SBF2: variants seen among roughly 807,000 people sequenced by gnomAD.
The protein encoded by SBF2 is myotubularin-related protein 13.
In SBF2, 112 loss-of-function variants were observed where a neutral mutation model predicts 225.2. The ratio of observed to expected loss-of-function variants is 0.50; its 90% CI spans 0.43 to 0.58. The LOEUF is 0.58. Among genes scored for constraint, SBF2 ranks in the 20% least tolerant of loss-of-function variants. SBF2 has a pLI of 0.00. For synonymous variants in SBF2, 763 were observed against 773.3 expected (o/e 0.99, Z 0.22); for missense variants, 1,996 against 2,206.2 (o/e 0.90, Z 1.91).
chr11:10,235,174 T>C (rs1306389780), intron 1 of SBF2, among the ~76,000 whole-genome samples: 5 of 152,230 alleles, frequency 3.3e-5, no homozygotes, highest in African/African-American at 1.2e-4. Flanking sequence ...ATTTACACTT[T>C]ATTGTTTTTC....
rs148512821 is a variant in SBF2, at chr11:9,794,501, C to T, written c.4570+1330G>A. On this transcript the variant is annotated intron_variant, in intron 33 of 39. Coordinates refer to ENST00000256190, the MANE Select transcript of SBF2 (RefSeq NM_030962.4). ...CCAACATGGTGAAACCTTGTCTCTACTAAAAATACAAAAATTAGCCAGGCA... is the reference window on the plus strand; with the variant it reads ...CCAACATGGTGAAACCTTGTCTCTATTAAAAATACAAAAATTAGCCAGGCA... 9.1e-4 allele frequency among the ~76,000 whole-genome samples: 138 copies of T among 151,540 alleles called. 4 individuals carry two copies. In the East Asian group the frequency reaches 0.024, roughly 26 times the overall value.
rs188230790 is a variant in SBF2, at chr11:10,077,381, C to T, written c.142-34400G>A. Among the ~76,000 whole-genome samples the T allele has an allele frequency of 7.5e-4, 114 of 152,272 alleles. No homozygotes were observed. The East Asian group carries it at 0.018, about 23-fold the overall frequency. On this transcript the variant is annotated intron_variant, in intron 2 of 39. Transcript: ENST00000256190. ...GCAAAAAGAACAAAGCTGGAGGCAT[C>T]ATGCTACCTGACTTCAAACTATACT...
intron 1 of SBF2, among the ~76,000 whole-genome samples, chr11:10,231,782 C>T (rs1052196698): frequency 1.3e-5 from 2 of 152,210 alleles, no homozygotes; most frequent in Non-Finnish European, 2.9e-5. Flanking sequence ...GGCAGTCTGC[C>T]AGTTCTCAGA....
At chr11:9,810,102 C>G (rs935429496) in intron 30 of SBF2, 2 of 151,952 alleles carry the variant, frequency 1.3e-5, no homozygotes, top group African/African-American at 4.8e-5. Flanking sequence ...ATGGCAAAAC[C>G]CCATCTCTAC....
rs1856819424 is a variant in SBF2, at chr11:9,850,160, CG to C, written c.2668del (p.Arg890GlufsTer46). 6.2e-7 allele frequency: 1 copy of C among 1,613,922 alleles called. No individual in the cohort carries two copies. Among genetic ancestry groups the C allele is most frequent in the Non-Finnish European group, 8.5e-7 (1 of 1,180,036 alleles). Reference protein sequence around the residue: ...PGEEIVCEGLRVLLDPDGREE... With the variant: ...PGEEIVCEGLXVLLDPDGREE... ...TCTTCCATCAGGATCCAGCAAGACT[CG>C]AAGACCCTCACAGACAATTTCTTCT... On this transcript the variant is annotated frameshift_variant, in exon 22 of 40. Coordinates refer to ENST00000256190, the MANE Select transcript of SBF2 (RefSeq NM_030962.4). LOFTEE classifies it high-confidence loss of function.
chr11:10,039,794 A>G (rs1029021012), intron 3 of SBF2, among the ~76,000 whole-genome samples: 1 of 151,964 alleles, frequency 6.6e-6, no homozygotes, highest in Admixed American at 6.6e-5. Flanking sequence ...GTTATGATGA[A>G]AAGTTAAAAA....
At chr11:10,272,238 T>TCG in intron 1 of SBF2, 1 of 1,051,538 alleles carries the variant, frequency 9.5e-7, no homozygotes, top group Non-Finnish European at 1.3e-6. Context: ...TGCAGGGCGC[T>TCG]CGCGCTAGCC....
chr11:10,223,889 C>T (rs72863321), intron 1 of SBF2, among the ~76,000 whole-genome samples: 1 of 152,010 alleles, frequency 6.6e-6, no homozygotes, highest in African/African-American at 2.4e-5. Context: ...ACCACAATAG[C>T]AACAGGAGGC....
chr11:10,042,187 T>C (rs1413179479), intron 3 of SBF2, among the ~76,000 whole-genome samples: 2 of 152,200 alleles, frequency 1.3e-5, no homozygotes, highest in Non-Finnish European at 2.9e-5. Context: ...TCTATGAGAA[T>C]AGCACCAAGC....
intron 1 of SBF2, among the ~76,000 whole-genome samples, chr11:10,261,278 C>T (rs1961403120): frequency 6.6e-6 from 1 of 152,234 alleles, no homozygotes; most frequent in East Asian, 1.9e-4. Context: ...TCTTTGCTCA[C>T]TGCAACCTCC....
chr11:10,092,341 T>G (rs1185942064), intron 2 of SBF2, among the ~76,000 whole-genome samples: 1 of 152,180 alleles, frequency 6.6e-6, no homozygotes, highest in East Asian at 1.9e-4. Context: ...TTTTTATTGT[T>G]ATATTTAGTT....
intron 1 of SBF2, among the ~76,000 whole-genome samples, chr11:10,205,473 G>C (rs1957721739): frequency 6.6e-6 from 1 of 151,736 alleles, no homozygotes; most frequent in South Asian, 2.1e-4. Flanking sequence ...CGGAATGGAG[G>C]AACAACACAA....
At chr11:10,273,837 G>A (rs926255440) in intron 1 of SBF2, among the ~76,000 whole-genome samples, 6 of 152,180 alleles carry the variant, frequency 3.9e-5, no homozygotes, top group African/African-American at 1.4e-4. Flanking sequence ...AGACCTGACA[G>A]GAATAGGTTG....
intron 16 of SBF2, among the ~76,000 whole-genome samples, chr11:9,935,777 A>C (rs7942000): frequency 0.63 from 95,411 of 151,962 alleles, 30,740 homozygotes; most frequent in African/African-American, 0.7. Flanking sequence ...AAACTGGATC[A>C]CTTCCTTACA....
chr11:9,842,490 A>G (rs1424741144), intron 25 of SBF2, 135 bp downstream of exon 25: 11 of 821,974 alleles, frequency 1.3e-5, no homozygotes, highest in Admixed American at 4.5e-5. Flanking sequence ...CAGTTCTAAG[A>G]AGCTGGTAAG....
At chr11:9,786,629 TAATTTCCCTTCTGTTGC>T (rs1442108624) in intron 36 of SBF2, among the ~76,000 whole-genome samples, 4 of 152,308 alleles carry the variant, frequency 2.6e-5, no homozygotes, top group South Asian at 2.1e-4. Context: ...TCATCTGTCC[TAATTTCCCTTCTGTTGC>T]ATTTGGAGCC....
At chr11:10,165,914 T>C (rs1955930705) in intron 2 of SBF2, among the ~76,000 whole-genome samples, 1 of 152,222 alleles carries the variant, frequency 6.6e-6, no homozygotes, top group African/African-American at 2.4e-5. Context: ...GTAACTGTAC[T>C]TTTAGCATAT....
intron 17 of SBF2, among the ~76,000 whole-genome samples, chr11:9,877,559 C>G (rs1204230592): frequency 6.6e-6 from 1 of 152,044 alleles, no homozygotes. Context: ...CCCCAACCCC[C>G]CGACAGGCCC....
In SBF2 at chr11:10,284,753, G is replaced by A. The variant is rs190945101; in HGVS notation, c.55+9262C>T. ...AACCTCCCAAGCAGCTGGGACTACA[G>A]GCATGCATCATCACACCTGGCTAAT... On this transcript the variant is annotated intron_variant, in intron 1 of 39. Coordinates refer to ENST00000256190, the MANE Select transcript of SBF2 (RefSeq NM_030962.4). Among the ~76,000 whole-genome samples, 26 of 151,888 alleles carry A rather than the reference G, an allele frequency of 1.7e-4. No homozygotes were observed. In the East Asian group the frequency reaches 4.7e-3, roughly 27 times the overall value.
Sources: gnomAD v4.1 joint callset for allele counts (sites outside exome capture counted in the v4.1 genomes callset) on GRCh38, gnomAD v4.1.1 for gene constraint, MANE v1.5 for transcripts, NCBI Gene and HGNC (gene_info 2026-07-23, HGNC 2026-07-21) for gene names.